SGO2: variants seen among roughly 807,000 people sequenced by gnomAD.
SGO2 encodes shugoshin-like 2.
A neutral mutation model predicts 99.5 loss-of-function variants in SGO2; 68 were observed. That is an observed-to-expected ratio of 0.68 (90% CI 0.56 to 0.84). The LOEUF is 0.84. Among genes scored for constraint, SGO2 ranks in the 40% least tolerant of loss-of-function variants. The pLI, the probability that SGO2 is intolerant of heterozygous loss-of-function variation, is 0.00. For synonymous variants in SGO2, 457 were observed against 487.1 expected, an observed-to-expected ratio of 0.94 and a Z score of 0.81; for missense variants, 1,350 against 1,436.7, an observed-to-expected ratio of 0.94 and a Z score of 0.97.
At chr2:200,544,716 T>G (rs957109401) in intron 5 of SGO2, among the ~76,000 whole-genome samples, 2 of 152,016 alleles carry the variant, frequency 1.3e-5, no homozygotes, top group Non-Finnish European at 2.9e-5. Context: ...TCTATCTATC[T>G]ATCTATCTAT....
intron 5 of SGO2, among the ~76,000 whole-genome samples, chr2:200,563,391 T>C (rs1297588833): frequency 6.6e-6 from 1 of 152,180 alleles, no homozygotes; most frequent in African/African-American, 2.4e-5. Flanking sequence ...ACCAGCCTTG[T>C]ATCCCAGGGA....
rs780835983 is a variant in SGO2, at chr2:200,573,800, T to C, written c.3454T>C (p.Phe1152Leu). 3.8e-5 allele frequency: 61 copies of C among 1,612,626 alleles called. No homozygotes were observed. The South Asian group carries it at 6.3e-4, about 17-fold the overall frequency. The change falls in exon 7 of 9, where the codon TTT becomes CTT. Residue 1152 changes from phenylalanine to leucine, a missense_variant. Physicochemically the swap from Phe to Leu is conservative, Grantham distance 22. Coordinates refer to ENST00000357799, the MANE Select transcript of SGO2 (RefSeq NM_152524.6). Reference sequence around the variant, plus strand: ...TTCACCTAACATACAAGATTCTTCCTTTGACAGTGTTCGTGAAGGTTTAGT... The same window carrying C: ...TTCACCTAACATACAAGATTCTTCCCTTGACAGTGTTCGTGAAGGTTTAGT... ...IHSPNIQDSSFDSVREGLVPL... is the reference protein window; with the variant it reads ...IHSPNIQDSSLDSVREGLVPL...
At chr2:200,535,973 T>TGCC (rs2031670949) in intron 3 of SGO2, 92 bp from the exon 4 acceptor site, 1 of 755,418 alleles carries the variant, frequency 1.3e-6, no homozygotes, top group Non-Finnish European at 2.1e-6. Context: ...TTTTTTAAGT[T>TGCC]TTCTCACATG....
At chr2:200,532,924 A>C (rs842939) in intron 1 of SGO2, 50 bp from the exon 2 acceptor site, 1,240,446 of 1,536,830 alleles carry the variant, frequency 0.81, 504,095 homozygotes, top group Non-Finnish European at 0.83. Flanking sequence ...TATCAGTTAT[A>C]CTTTTTCTTT....
intron 1 of SGO2, among the ~76,000 whole-genome samples, chr2:200,527,886 G>T (rs1451713994): frequency 6.6e-6 from 1 of 152,200 alleles, no homozygotes; most frequent in African/African-American, 2.4e-5. Flanking sequence ...GAGAATGGGG[G>T]TAAGTGTGCA....
intron 5 of SGO2, among the ~76,000 whole-genome samples, chr2:200,561,634 C>A (rs1243159475): frequency 6.6e-6 from 1 of 152,084 alleles, no homozygotes; most frequent in Admixed American, 6.6e-5. Flanking sequence ...GAATTGCCAC[C>A]CTGTCTTCCA....
At chr2:200,527,208 A>T (rs1014574628) in intron 1 of SGO2, among the ~76,000 whole-genome samples, 1 of 152,168 alleles carries the variant, frequency 6.6e-6, no homozygotes, top group African/African-American at 2.4e-5. Context: ...GATTTCTGGC[A>T]TGAGGATTTG....
intron 1 of SGO2, among the ~76,000 whole-genome samples, chr2:200,530,659 CAGGT>C (rs964994959): frequency 1.1e-4 from 16 of 152,168 alleles, no homozygotes; most frequent in African/African-American, 3.6e-4. Flanking sequence ...AGAGGAGGAA[CAGGT>C]AGGTAGGTAG....
At chr2:200,576,369 A>G (rs777969217) in intron 8 of SGO2, among the ~76,000 whole-genome samples, 3 of 152,102 alleles carry the variant, frequency 2.0e-5, no homozygotes, top group Non-Finnish European at 2.9e-5. Flanking sequence ...TGAGGCCAGG[A>G]GTTCAAGACC....
chr2:200,580,988 T>C (rs1448756000), intron 8 of SGO2, among the ~76,000 whole-genome samples: 2 of 152,184 alleles, frequency 1.3e-5, no homozygotes, highest in East Asian at 3.9e-4. Context: ...TAGGAGTTAT[T>C]AGGAGGTTTT....
chr2:200,570,006 G>T lies in SGO2; in HGVS notation c.703+114G>T. The T allele has an allele frequency of 1.5e-6, 1 of 681,758 alleles. No individual in the cohort carries two copies. The highest frequency in any genetic ancestry group is 2.1e-5 in the South Asian group (1 of 48,220). 42.2% of individuals were successfully genotyped at this position (681,758 alleles called of 1,614,324 possible). On this transcript the variant is annotated intron_variant, in intron 6 of 8. Transcript: ENST00000357799. This position sits in a 1 kb window ranked among gnomAD's most constrained non-coding sequence, Gnocchi z 4.4. ...AATAAGTTAGCTCTCTTATGTTACC[G>T]ATTTGCTAACTTCTGCCATTTAAAA...
Position 200,532,892 on chromosome 2 carries a change from T to C in SGO2, c.-2-82T>C, listed in dbSNP as rs1010662438. ...ATGCACAAAGTATATTAAGTCATGATTGTTACTTTTTAAAATGTATTTATC... is the reference window on the plus strand; with the variant it reads ...ATGCACAAAGTATATTAAGTCATGACTGTTACTTTTTAAAATGTATTTATC... On this transcript the variant is annotated intron_variant, in intron 1 of 8. Coordinates refer to ENST00000357799, the MANE Select transcript of SGO2 (RefSeq NM_152524.6). The C allele has an allele frequency of 4.9e-5, 66 of 1,343,904 alleles. No individual in the cohort carries two copies. In the Middle Eastern group the frequency reaches 7.8e-4, roughly 16 times the overall value. The allele number at this position is 1,343,904 out of a possible 1,614,324, so 83.2% of individuals were successfully genotyped here.
chr2:200,560,013 A>G (rs1049682158), intron 5 of SGO2, among the ~76,000 whole-genome samples: 6 of 152,172 alleles, frequency 3.9e-5, no homozygotes, highest in Non-Finnish European at 8.8e-5. Flanking sequence ...GTAGTTTGCA[A>G]TGGTTGAACG....
rs751031077 is a variant in SGO2 at position 200,542,693 on chromosome 2, C to T, written c.473+29C>T. On this transcript the variant is annotated intron_variant, in intron 5 of 8. Transcript: ENST00000357799. ...AATATGGGCTTGAATTACACTAGTT[C>T]AGAGTATATAGATTTTATATAACAC... is the stretch of plus-strand genomic sequence containing the variant. 22 of 1,553,336 alleles carry T rather than the reference C, an allele frequency of 1.4e-5. No individual in the cohort carries two copies. The South Asian group carries it at 2.2e-4, about 16-fold the overall frequency.
chr2:200,548,758 C>T (rs532912136), intron 5 of SGO2, among the ~76,000 whole-genome samples: 1 of 152,148 alleles, frequency 6.6e-6, no homozygotes, highest in South Asian at 2.1e-4. Context: ...AGAGATGAGA[C>T]ATAACACCTC....
intron 5 of SGO2, among the ~76,000 whole-genome samples, chr2:200,556,266 G>C (rs977653893): frequency 6.6e-6 from 1 of 152,070 alleles, no homozygotes; most frequent in African/African-American, 2.4e-5. Context: ...GTGCTAAGTC[G>C]AATATCCGCT....
At chr2:200,549,012 T>C (rs1331862269) in intron 5 of SGO2, among the ~76,000 whole-genome samples, 1 of 152,142 alleles carries the variant, frequency 6.6e-6, no homozygotes, top group African/African-American at 2.4e-5. Flanking sequence ...ATCCCAGCCC[T>C]TTGGGAGGCC....
At position 200,572,983 on chromosome 2, in the gene SGO2, C is replaced by T. The variant is rs1402212322; in HGVS notation, c.2637C>T (p.Asp879=). ...ATAATGGAAATTTATGTGATTATGA[C>T]ACCCAGAATATATTGGAGTTGAAAA... ...IKDNGNLCDY[D]TQNILELKKY... Residue 879 remains aspartate (D), a synonymous_variant, in exon 7 of 9, where the codon GAC becomes GAT. Transcript: ENST00000357799. 4 of 1,588,274 alleles carry T rather than the reference C, an allele frequency of 2.5e-6. No homozygotes were observed. Among genetic ancestry groups the T allele is most frequent in the Non-Finnish European group, 3.4e-6 (4 of 1,171,172 alleles).
intron 2 of SGO2, chr2:200,533,517 A>G (rs1459746445): frequency 1.8e-3 from 115 of 65,568 alleles, no homozygotes; most frequent in South Asian, 3.9e-3. Flanking sequence ...TATATAATGT[A>G]TATGTGTGTG....
Sources: gnomAD v4.1 joint callset for allele counts (sites outside exome capture counted in the v4.1 genomes callset) on GRCh38, gnomAD v4.1.1 for gene constraint, Gnocchi (gnomAD v3.1) non-coding constraint, MANE v1.5 for transcripts, NCBI Gene and HGNC (gene_info 2026-07-23, HGNC 2026-07-21) for gene names.